Variants in AKAP19 observed in about 807,000 individuals in gnomAD.
AKAP19 encodes A-kinase anchoring protein 19, also known as small A-kinase anchoring protein.
At chr2:190,029,716 C>T in the AKAP19 span, among the ~76,000 whole-genome samples, 1 of 152,224 alleles carries the variant, frequency 6.6e-6, no homozygotes, top group East Asian at 1.9e-4. Flanking sequence ...AAAAAGTGAG[C>T]ATGGCTATGT....
the AKAP19 span, among the ~76,000 whole-genome samples, chr2:190,074,080 C>T: frequency 2.6e-5 from 4 of 151,828 alleles, no homozygotes; most frequent in African/African-American, 9.7e-5. Context: ...ATCTAGGCTC[C>T]ATCACCAAAG....
At chr2:189,909,760 A>G in the AKAP19 span, among the ~76,000 whole-genome samples, 2 of 152,072 alleles carry the variant, frequency 1.3e-5, no homozygotes, top group African/African-American at 4.8e-5. Flanking sequence ...TCTTAATTTT[A>G]TTAGGCAAAG....
chr2:190,007,569 A>T, the AKAP19 span, among the ~76,000 whole-genome samples: 1 of 152,228 alleles, frequency 6.6e-6, no homozygotes, highest in Admixed American at 6.5e-5. Flanking sequence ...ATTTTCATTT[A>T]AGGACTGTGC....
the AKAP19 span, among the ~76,000 whole-genome samples, chr2:190,126,803 A>G: frequency 2.0e-5 from 3 of 152,146 alleles, no homozygotes; most frequent in Non-Finnish European, 4.4e-5. Flanking sequence ...TTTTACTTAA[A>G]TGATAGGCAT....
chr2:190,003,229 T>G, the AKAP19 span, among the ~76,000 whole-genome samples: 1 of 152,168 alleles, frequency 6.6e-6, no homozygotes, highest in Non-Finnish European at 1.5e-5. Flanking sequence ...AATAGAGTTA[T>G]GAAATATATG....
chr2:189,934,707 C>G, the AKAP19 span, among the ~76,000 whole-genome samples: 1 of 151,042 alleles, frequency 6.6e-6, no homozygotes, highest in Non-Finnish European at 1.5e-5. Context: ...ATAATTAATA[C>G]TATCTTGTTT....
At chr2:189,913,188 TAAAAG>T in the AKAP19 span, among the ~76,000 whole-genome samples, 1 of 152,126 alleles carries the variant, frequency 6.6e-6, no homozygotes, top group African/African-American at 2.4e-5. Context: ...ATGTCTTTAA[TAAAAG>T]AAAAGAAAGC....
At chr2:189,907,268 C>T in the AKAP19 span, among the ~76,000 whole-genome samples, 1 of 152,194 alleles carries the variant, frequency 6.6e-6, no homozygotes, top group Admixed American at 6.5e-5. Context: ...GATTTTAATC[C>T]TCTACCTCCG....
At chr2:190,175,740 T>C in the AKAP19 span, among the ~76,000 whole-genome samples, 4 of 152,218 alleles carry the variant, frequency 2.6e-5, no homozygotes, top group African/African-American at 9.6e-5. Flanking sequence ...ACAGTACCAT[T>C]TGGAAAATTT....
chr2:190,061,446 G>A, the AKAP19 span, among the ~76,000 whole-genome samples: 1 of 151,970 alleles, frequency 6.6e-6, no homozygotes, highest in African/African-American at 2.4e-5. Flanking sequence ...CTCTCAGGAA[G>A]AATAAAATAT....
the AKAP19 span, among the ~76,000 whole-genome samples, chr2:189,970,536 T>C: frequency 6.6e-6 from 1 of 152,118 alleles, no homozygotes; most frequent in African/African-American, 2.4e-5. Context: ...GTGTTCGAGA[T>C]ATATATATAT....
At chr2:190,019,669 C>T in the AKAP19 span, among the ~76,000 whole-genome samples, 1 of 151,992 alleles carries the variant, frequency 6.6e-6, no homozygotes, top group East Asian at 1.9e-4. Context: ...TGAAGTAAGA[C>T]TCCAGTGGGC....
chr2:189,891,851 C>T, the AKAP19 span, among the ~76,000 whole-genome samples: 1 of 151,988 alleles, frequency 6.6e-6, no homozygotes. Flanking sequence ...CTGTTCTGCC[C>T]ATCACTTTCA....
the AKAP19 span, among the ~76,000 whole-genome samples, chr2:190,067,692 CT>C: frequency 3.9e-5 from 6 of 152,220 alleles, no homozygotes; most frequent in African/African-American, 1.4e-4. Flanking sequence ...TGTATTCATA[CT>C]CTGGCAATCC....
At chr2:190,065,968 C>T in the AKAP19 span, among the ~76,000 whole-genome samples, 4 of 152,166 alleles carry the variant, frequency 2.6e-5, no homozygotes, top group Non-Finnish European at 5.9e-5. Flanking sequence ...AGACCCAGTT[C>T]TGGCAGTTCT....
chr2:189,896,950 G>A, the AKAP19 span, among the ~76,000 whole-genome samples: 1 of 151,980 alleles, frequency 6.6e-6, no homozygotes, highest in South Asian at 2.1e-4. Flanking sequence ...TTCAAAATCA[G>A]TAATGCAATA....
At chr2:190,029,210 G>C in the AKAP19 span, among the ~76,000 whole-genome samples, 2 of 151,910 alleles carry the variant, frequency 1.3e-5, no homozygotes, top group Non-Finnish European at 2.9e-5. Context: ...GCACCACCTT[G>C]CCTGGCTAAT....
the AKAP19 span, among the ~76,000 whole-genome samples, chr2:189,946,427 T>C: frequency 7.2e-5 from 11 of 152,198 alleles, no homozygotes; most frequent in South Asian, 2.1e-4. Context: ...CTGAGCAACA[T>C]AGGCCCTGCC....
chr2:190,119,282 G>A, the AKAP19 span, among the ~76,000 whole-genome samples: 2 of 152,214 alleles, frequency 1.3e-5, no homozygotes, highest in South Asian at 2.1e-4. Context: ...AGCGAGGCGG[G>A]CTCCAAAGCT....
Sources: allele counts gnomAD v4.1 joint callset (sites outside exome capture counted in the v4.1 genomes callset), GRCh38; gene constraint gnomAD v4.1.1; transcripts MANE v1.5; gene names NCBI Gene and HGNC (gene_info 2026-07-23, HGNC 2026-07-21).